The following ARMC2 variants were observed in gnomAD, a reference collection of about 807,000 sequenced individuals.
The protein encoded by ARMC2 is armadillo repeat-containing protein 2.
In ARMC2, 67 loss-of-function variants were observed where a neutral mutation model predicts 90.3. The observed-to-expected ratio is 0.74, with a 90% CI of 0.61 to 0.91. The LOEUF (loss-of-function observed/expected upper bound fraction) is 0.91, where lower values mean the gene tolerates loss of function less well. ARMC2 is among the 40% of genes least tolerant of loss of function. ARMC2 has a pLI of 0.00. For synonymous variants in ARMC2, 393 were observed against 393.0 expected (o/e 1.00, Z 0.00); for missense variants, 920 against 1,030.9 (o/e 0.89, Z 1.47).
At chr6:108,864,997 ATTTTTT>A (rs36025894) in intron 3 of ARMC2, among the ~76,000 whole-genome samples, 1 of 132,836 alleles carries the variant, frequency 7.5e-6, no homozygotes, top group African/African-American at 2.8e-5. Context: ...TCTCAAGTGA[ATTTTTT>A]TTTTTTTTTT....
chr6:108,984,292 A>C, the ARMC2 span, among the ~76,000 whole-genome samples: 1 of 152,210 alleles, frequency 6.6e-6, no homozygotes, highest in Admixed American at 6.5e-5. Flanking sequence ...TACTGTAACA[A>C]AATACCTTAG....
At chr6:108,864,718 C>A (rs1408470439) in intron 3 of ARMC2, among the ~76,000 whole-genome samples, 3 of 152,104 alleles carry the variant, frequency 2.0e-5, no homozygotes, top group Admixed American at 2.0e-4. Context: ...GGGGGAGACC[C>A]TGTTGGGTGA....
intron 17 of ARMC2, among the ~76,000 whole-genome samples, chr6:108,968,686 A>AAAAC (rs548784418): frequency 3.3e-5 from 5 of 151,746 alleles, no homozygotes; most frequent in East Asian, 3.8e-4. Context: ...AAAGATAGCT[A>AAAAC]AAACAAACAA....
chr6:108,952,678 AT>A (rs553100710), intron 12 of ARMC2, among the ~76,000 whole-genome samples: 5 of 152,098 alleles, frequency 3.3e-5, no homozygotes, highest in Non-Finnish European at 7.4e-5. Context: ...GAAACCGGCT[AT>A]TGTCAAAACT....
the ARMC2 span, among the ~76,000 whole-genome samples, chr6:109,032,025 T>C: frequency 5.8e-4 from 88 of 152,218 alleles, no homozygotes; most frequent in Admixed American, 1.8e-3. Flanking sequence ...TGTTAAGTAC[T>C]TATATGTGGA....
At chr6:108,922,023 C>T (rs1443461588) in intron 10 of ARMC2, among the ~76,000 whole-genome samples, 2 of 152,210 alleles carry the variant, frequency 1.3e-5, no homozygotes, top group Non-Finnish European at 2.9e-5. Flanking sequence ...TGATCTGGGG[C>T]AGCTCTGATG....
At chr6:108,978,462 G>T (rs1484276545), downstream of ARMC2, among the ~76,000 whole-genome samples, 1 of 152,200 alleles carries the variant, frequency 6.6e-6, no homozygotes, top group Non-Finnish European at 1.5e-5. Flanking sequence ...TGAGAAGAAT[G>T]TATATTCTGT....
At chr6:108,905,894 A>C (rs1444179361) in intron 8 of ARMC2, among the ~76,000 whole-genome samples, 1 of 152,234 alleles carries the variant, frequency 6.6e-6, no homozygotes, top group African/African-American at 2.4e-5. Flanking sequence ...AAATCCATCA[A>C]GGCCAACTTC....
At chr6:108,898,954 C>T (rs557176776) in intron 6 of ARMC2, among the ~76,000 whole-genome samples, 65 of 152,312 alleles carry the variant, frequency 4.3e-4, no homozygotes, top group Non-Finnish European at 2.4e-4. Flanking sequence ...TGTTTGTATA[C>T]TTGTTTAATC....
intron 10 of ARMC2, among the ~76,000 whole-genome samples, chr6:108,923,490 T>G (rs928268345): frequency 7.2e-5 from 11 of 152,014 alleles, no homozygotes; most frequent in African/African-American, 2.7e-4. Flanking sequence ...AGTTCTTGTT[T>G]TCTTTTTTTT....
intron 11 of ARMC2, among the ~76,000 whole-genome samples, chr6:108,933,592 C>T (rs1484814286): frequency 6.6e-6 from 1 of 152,132 alleles, no homozygotes; most frequent in Admixed American, 6.5e-5. Flanking sequence ...TGTAGGTTTT[C>T]ATAAGTACCC....
the ARMC2 span, among the ~76,000 whole-genome samples, chr6:108,979,623 A>G: frequency 0.1 from 15,262 of 152,052 alleles, 911 homozygotes; most frequent in Middle Eastern, 0.19. Context: ...TCACTTTCAG[A>G]TACACCAATC....
intron 12 of ARMC2, among the ~76,000 whole-genome samples, chr6:108,946,621 G>A (rs1776828639): frequency 2.6e-5 from 4 of 152,196 alleles, no homozygotes; most frequent in South Asian, 2.1e-4. Context: ...TCTCAGGCAC[G>A]AGAAGTTTGT....
intron 5 of ARMC2, among the ~76,000 whole-genome samples, chr6:108,879,592 GTCCA>G (rs539899853): frequency 8.8e-6 from 1 of 113,396 alleles, no homozygotes; most frequent in South Asian, 3.2e-4. Flanking sequence ...CCACCTGTTC[GTCCA>G]TCCATCCATC....
chr6:108,868,905 A>T lies in ARMC2; in HGVS notation c.373A>T (p.Ile125Phe). The T allele has an allele frequency of 6.2e-7, 1 of 1,613,984 alleles. No individual in the cohort carries two copies. The highest frequency in any genetic ancestry group is 8.5e-7 in the Non-Finnish European group (1 of 1,179,898). Residue 125 changes from isoleucine to phenylalanine, a missense_variant, in exon 4 of 18, where the codon ATT becomes TTT. Ile to Phe is a conservative substitution (Grantham distance 21). Transcript: ENST00000392644. Reference sequence around the variant, plus strand: ...TAAGCCCCCAGTGGACCCTGCGAAGATTAGAAGAGTAAGCAACGCCAGGGC... The same window carrying T: ...TAAGCCCCCAGTGGACCCTGCGAAGTTTAGAAGAGTAAGCAACGCCAGGGC... ...FPKPPVDPAKIRRVSNARARL... is the reference protein window; with the variant it reads ...FPKPPVDPAKFRRVSNARARL...
chr6:108,990,859 T>G, the ARMC2 span: 1 of 1,588,048 alleles, frequency 6.3e-7, no homozygotes, highest in Admixed American at 1.7e-5. Context: ...ATAGAACAAA[T>G]GTGAATAAAT....
intron 4 of ARMC2, among the ~76,000 whole-genome samples, chr6:108,869,265 TG>T (rs1776141436): frequency 6.6e-6 from 1 of 151,980 alleles, no homozygotes. Context: ...CCCAGCACTT[TG>T]GGAGGCCAAA....
At chr6:108,921,547 C>G (rs748797334) in intron 10 of ARMC2, among the ~76,000 whole-genome samples, 1 of 152,206 alleles carries the variant, frequency 6.6e-6, no homozygotes, top group Non-Finnish European at 1.5e-5. Flanking sequence ...CTAGCAGCAT[C>G]TTGTCATTGG....
At chr6:109,016,227 T>C in the ARMC2 span, among the ~76,000 whole-genome samples, 1 of 152,190 alleles carries the variant, frequency 6.6e-6, no homozygotes, top group South Asian at 2.1e-4. Flanking sequence ...AACAAACCAA[T>C]GACAATATTC....
Sources: gnomAD v4.1 joint callset for allele counts (sites outside exome capture counted in the v4.1 genomes callset) on GRCh38, gnomAD v4.1.1 for gene constraint, MANE v1.5 for transcripts, NCBI Gene and HGNC (gene_info 2026-07-23, HGNC 2026-07-21) for gene names.